TFDP2: variants seen among roughly 807,000 people sequenced by gnomAD.
The protein encoded by TFDP2 is transcription factor Dp-2 (E2F dimerization partner 2).
A neutral mutation model predicts 59.3 loss-of-function variants in TFDP2; 17 were observed. The ratio of observed to expected loss-of-function variants is 0.29; its 90% CI spans 0.20 to 0.43. TFDP2 has a LOEUF of 0.43. TFDP2 is among the 20% of genes least tolerant of loss of function. The probability of loss-of-function intolerance (pLI) is 1.00; values close to 1 mark genes in which losing one functional copy is unlikely to be tolerated. For missense variants in TFDP2, 391 were observed against 528.8 expected (o/e 0.74, Z 2.56); for synonymous variants, 180 against 194.7 (o/e 0.92, Z 0.63).
chr3:141,983,407 C>A (rs1311392709), intron 6 of TFDP2, among the ~76,000 whole-genome samples: 1 of 152,014 alleles, frequency 6.6e-6, no homozygotes, highest in African/African-American at 2.4e-5. Context: ...GAGGCCAAGG[C>A]AAGTGGATCA....
At chr3:142,147,016 G>A (rs2063204284) in intron 1 of TFDP2, among the ~76,000 whole-genome samples, 1 of 148,594 alleles carries the variant, frequency 6.7e-6, no homozygotes, top group Admixed American at 6.7e-5. Flanking sequence ...CTTGAGCCCA[G>A]GAGTTCCAGA....
intron 1 of TFDP2, among the ~76,000 whole-genome samples, chr3:142,131,815 G>A (rs1485530955): frequency 6.7e-6 from 1 of 149,728 alleles, no homozygotes; most frequent in Non-Finnish European, 1.5e-5. Flanking sequence ...AGACCAGCCT[G>A]GCCAACATGG....
At chr3:142,080,816 C>T (rs558930064) in intron 3 of TFDP2, among the ~76,000 whole-genome samples, 19 of 152,162 alleles carry the variant, frequency 1.2e-4, no homozygotes, top group Non-Finnish European at 2.5e-4. Context: ...GTACCCAACA[C>T]TGGAGCACAC....
At chr3:142,022,787 T>TAAGAGGTGA (rs1945717629) in intron 3 of TFDP2, among the ~76,000 whole-genome samples, 1 of 152,140 alleles carries the variant, frequency 6.6e-6, no homozygotes, top group East Asian at 1.9e-4. Context: ...CTAATATTTA[T>TAAGAGGTGA]AAGAGGTGAC....
intron 1 of TFDP2, among the ~76,000 whole-genome samples, chr3:142,131,487 C>T (rs746459154): frequency 4.0e-5 from 6 of 149,898 alleles, no homozygotes; most frequent in Middle Eastern, 3.2e-3. Context: ...TCCCAAAATG[C>T]GAGAGTACAC....
chr3:142,135,687 G>A lies in TFDP2; in HGVS notation c.-93+13496C>T, dbSNP rs530822764. On this transcript the variant is annotated intron_variant, in intron 1 of 12. Transcript: ENST00000489671. ...TTCTGTCCTTGTGATAGTTTGCTCAGAATGATGGTTTCCAGCTTCATCCAT... is the reference window on the plus strand; with the variant it reads ...TTCTGTCCTTGTGATAGTTTGCTCAAAATGATGGTTTCCAGCTTCATCCAT... Among the ~76,000 whole-genome samples the A allele has an allele frequency of 2.3e-3, 349 of 152,162 alleles. 3 individuals are homozygous for A. The highest frequency in any genetic ancestry group is 8.0e-3 in the African/African-American group (331 of 41,540).
chr3:142,135,483 G>T (rs1367813659), intron 1 of TFDP2, among the ~76,000 whole-genome samples: 2 of 151,752 alleles, frequency 1.3e-5, no homozygotes, highest in Non-Finnish European at 2.9e-5. Context: ...GTATACATGT[G>T]CCATGTTGCT....
chr3:142,104,468 G>C (rs1239426269), intron 1 of TFDP2, among the ~76,000 whole-genome samples: 1 of 152,030 alleles, frequency 6.6e-6, no homozygotes. Flanking sequence ...TATAAAATTT[G>C]TCCATATATG....
At chr3:142,061,772 T>C (rs1334252085) in intron 3 of TFDP2, among the ~76,000 whole-genome samples, 1 of 151,942 alleles carries the variant, frequency 6.6e-6, no homozygotes, top group East Asian at 1.9e-4. Flanking sequence ...TCAGACTGAA[T>C]GACATCACCA....
chr3:142,061,515 C>A lies in TFDP2; in HGVS notation c.82+31546G>T, dbSNP rs528901454. 3.4e-4 allele frequency among the ~76,000 whole-genome samples: 51 copies of A among 152,076 alleles called. No individual in the cohort carries two copies. In the East Asian group the frequency reaches 9.5e-3, roughly 28 times the overall value. ...AGTAGAGTGAATAAAGAAAATCACC[C>A]TCTCCAATGGAGAGGGGCATCATCC... is the stretch of plus-strand genomic sequence containing the variant. On this transcript the variant is annotated intron_variant, in intron 3 of 12. Transcript: ENST00000489671.
intron 1 of TFDP2, among the ~76,000 whole-genome samples, chr3:142,126,844 G>A (rs547617791): frequency 2.0e-5 from 3 of 151,570 alleles, no homozygotes; most frequent in African/African-American, 7.3e-5. Flanking sequence ...TACTCAGGAG[G>A]CTGAGGCAGG....
chr3:142,042,519 C>G (rs1434555550), intron 3 of TFDP2, among the ~76,000 whole-genome samples: 1 of 151,640 alleles, frequency 6.6e-6, no homozygotes, highest in African/African-American at 2.4e-5. Context: ...AGGATGGTCT[C>G]GATCTCTTGA....
chr3:142,054,892 T>C (rs747796569), intron 3 of TFDP2, among the ~76,000 whole-genome samples: 2 of 152,186 alleles, frequency 1.3e-5, no homozygotes, highest in Non-Finnish European at 2.9e-5. Flanking sequence ...CTAATGCATG[T>C]AAGACTATTA....
chr3:142,143,624 C>T (rs948452625), intron 1 of TFDP2, among the ~76,000 whole-genome samples: 2 of 152,148 alleles, frequency 1.3e-5, no homozygotes, highest in Admixed American at 6.5e-5. Context: ...AGAAGACATA[C>T]AAATGGCAAA....
At chr3:142,061,497 T>A (rs967457079) in intron 3 of TFDP2, among the ~76,000 whole-genome samples, 2 of 151,590 alleles carry the variant, frequency 1.3e-5, no homozygotes, top group Non-Finnish European at 2.9e-5. Flanking sequence ...ATCAGTAGAG[T>A]GAATAAAGAA....
intron 1 of TFDP2, among the ~76,000 whole-genome samples, chr3:142,114,542 C>T (rs937627072): frequency 6.6e-6 from 1 of 152,046 alleles, no homozygotes; most frequent in African/African-American, 2.4e-5. Flanking sequence ...ATCACAACCC[C>T]CTATCAGACT....
chr3:141,968,393 ACATATATAT>A lies in TFDP2; in HGVS notation c.732+1671_732+1679del, dbSNP rs1329739890. Reference sequence around the variant, plus strand: ...ATATAACATATATCTCATATATATAACATATATATCATATATATAACATATATATCTCAT... The same window carrying A: ...ATATAACATATATCTCATATATATAACATATATATAACATATATATCTCAT... On this transcript the variant is annotated intron_variant, in intron 9 of 12. Transcript: ENST00000489671. Among the ~76,000 whole-genome samples, 891 of 116,758 alleles carry A rather than the reference ACATATATAT, an allele frequency of 7.6e-3. 70 individuals are homozygous for A. The highest frequency in any genetic ancestry group is 0.013 in the Non-Finnish European group (743 of 58,686). The allele number at this position is 116,758 out of a possible 152,430, so 76.6% of individuals were successfully genotyped here.
chr3:141,983,133 A>G (rs138180215), intron 6 of TFDP2, among the ~76,000 whole-genome samples: 231 of 152,366 alleles, frequency 1.5e-3, no homozygotes, highest in African/African-American at 5.5e-3. Context: ...ATAGAATATC[A>G]TGCCAAAACT....
Position 141,952,630 on chromosome 3 carries a change from G to C in TFDP2, c.1224C>G (p.Asn408Lys). ...AGGCCGCACTGCTGGACTGGTGACT[G>C]TTTGGGGCCAGGAACTGCCCAGTTG... ...ALATGQFLAP[N>K]SHQSSSAASH... Residue 408 changes from asparagine to lysine, a missense_variant, in exon 13 of 13, where the codon AAC becomes AAG. Coordinates refer to ENST00000489671, the MANE Select transcript of TFDP2 (RefSeq NM_001178139.2). The C allele has an allele frequency of 6.3e-7, 1 of 1,596,796 alleles. No homozygotes were observed. Among genetic ancestry groups the C allele is most frequent in the South Asian group, 1.1e-5 (1 of 87,660 alleles).
Sources: allele counts gnomAD v4.1 joint callset (sites outside exome capture counted in the v4.1 genomes callset), GRCh38; gene constraint gnomAD v4.1.1; transcripts MANE v1.5; gene names NCBI Gene and HGNC (gene_info 2026-07-23, HGNC 2026-07-21).